KCNT2: variants seen among roughly 807,000 people sequenced by gnomAD.
KCNT2 encodes the protein potassium sodium-activated channel subfamily T member 2.
In KCNT2, 67 loss-of-function variants were observed where a neutral mutation model predicts 153.8. The ratio of observed to expected loss-of-function variants is 0.44; its 90% CI spans 0.36 to 0.53. The LOEUF (loss-of-function observed/expected upper bound fraction) is 0.53, where lower values mean the gene tolerates loss of function less well. Among genes scored for constraint, KCNT2 ranks in the 20% least tolerant of loss-of-function variants. The probability of loss-of-function intolerance (pLI) is 0.00; values close to 1 mark genes in which losing one functional copy is unlikely to be tolerated. For synonymous variants in KCNT2, 500 were observed against 458.8 expected (o/e 1.09, Z -1.15); for missense variants, 975 against 1,354.8 (o/e 0.72, Z 4.40).
At chr1:196,237,762 G>T (rs191009403) in intron 26 of KCNT2, among the ~76,000 whole-genome samples, 2 of 151,756 alleles carry the variant, frequency 1.3e-5, no homozygotes, top group East Asian at 1.9e-4. Context: ...TGCTAAACCT[G>T]GTGGTCATAT....
chr1:196,300,660 C>G (rs1358437300), intron 22 of KCNT2, among the ~76,000 whole-genome samples: 1 of 152,146 alleles, frequency 6.6e-6, no homozygotes, highest in South Asian at 2.1e-4. Context: ...TTCTGTACAG[C>G]TGTCCATGCC....
At chr1:196,525,621 G>A (rs1434800820) in intron 1 of KCNT2, among the ~76,000 whole-genome samples, 2 of 152,180 alleles carry the variant, frequency 1.3e-5, no homozygotes, top group Non-Finnish European at 2.9e-5. Flanking sequence ...TGAGGCTATA[G>A]AAAAGATGGG....
intron 12 of KCNT2, among the ~76,000 whole-genome samples, chr1:196,416,674 A>G (rs1239767649): frequency 6.6e-6 from 1 of 152,118 alleles, no homozygotes; most frequent in Non-Finnish European, 1.5e-5. Context: ...ATTCATAAGT[A>G]AAAGTAAGAC....
At chr1:196,414,876 T>C (rs1029903533) in intron 12 of KCNT2, among the ~76,000 whole-genome samples, 16 of 151,866 alleles carry the variant, frequency 1.1e-4, no homozygotes, top group Non-Finnish European at 1.5e-5. Context: ...ATTCCAGGTC[T>C]TCTGGCCCTC....
intron 1 of KCNT2, among the ~76,000 whole-genome samples, chr1:196,544,098 T>A (rs889911132): frequency 6.6e-6 from 1 of 152,048 alleles, no homozygotes; most frequent in Non-Finnish European, 1.5e-5. Flanking sequence ...CTGAAGTAAC[T>A]CTCCAAAGCA....
At chr1:196,548,684 T>G (rs1657458563) in intron 1 of KCNT2, among the ~76,000 whole-genome samples, 1 of 152,086 alleles carries the variant, frequency 6.6e-6, no homozygotes, top group Admixed American at 6.6e-5. Context: ...TAAATCATGC[T>G]GCTATAAAGA....
intron 1 of KCNT2, among the ~76,000 whole-genome samples, chr1:196,597,368 G>T (rs1332305353): frequency 1.3e-5 from 2 of 150,232 alleles, no homozygotes; most frequent in African/African-American, 4.9e-5. Context: ...GTAACCTCAC[G>T]TACTTTTTTT....
chr1:196,503,445 C>G (rs1281981003), intron 1 of KCNT2, among the ~76,000 whole-genome samples: 4 of 152,162 alleles, frequency 2.6e-5, no homozygotes, highest in Non-Finnish European at 4.4e-5. Context: ...AATCAAAACT[C>G]TTCATAACTA....
intron 1 of KCNT2, among the ~76,000 whole-genome samples, chr1:196,511,109 C>T (rs1681579899): frequency 1.0e-5 from 1 of 99,972 alleles, no homozygotes. Context: ...CATACGTAAA[C>T]ACACACAACA....
At chr1:196,567,056 A>G (rs1392985090) in intron 1 of KCNT2, among the ~76,000 whole-genome samples, 1 of 152,150 alleles carries the variant, frequency 6.6e-6, no homozygotes, top group Non-Finnish European at 1.5e-5. Flanking sequence ...CATCAGTTGA[A>G]AGTTATTATC....
chr1:196,316,441 A>G (rs1662730681), intron 20 of KCNT2, among the ~76,000 whole-genome samples: 1 of 151,760 alleles, frequency 6.6e-6, no homozygotes, highest in Admixed American at 6.6e-5. Context: ...AGGAATAAAT[A>G]AGTGCTATGT....
At chr1:196,387,623 T>C (rs1014979322) in intron 13 of KCNT2, among the ~76,000 whole-genome samples, 1 of 151,940 alleles carries the variant, frequency 6.6e-6, no homozygotes, top group African/African-American at 2.4e-5. Context: ...TCTGTGTGTG[T>C]AATGGTATTG....
intron 16 of KCNT2, among the ~76,000 whole-genome samples, chr1:196,339,515 A>G (rs952298219): frequency 9.7e-6 from 1 of 102,620 alleles, no homozygotes; most frequent in Non-Finnish European, 2.2e-5. Flanking sequence ...AGACACACAC[A>G]CACACAGAGA....
intron 26 of KCNT2, among the ~76,000 whole-genome samples, chr1:196,255,103 G>C (rs919515038): frequency 6.6e-6 from 1 of 151,342 alleles, no homozygotes; most frequent in Non-Finnish European, 1.5e-5. Flanking sequence ...TCCATCAATA[G>C]ATAACAAAGA....
At chr1:196,580,098 C>T (rs986468696) in intron 1 of KCNT2, among the ~76,000 whole-genome samples, 1 of 152,128 alleles carries the variant, frequency 6.6e-6, no homozygotes, top group African/African-American at 2.4e-5. Context: ...AGGGAAGCTT[C>T]TGGAAAATGT....
intron 12 of KCNT2, among the ~76,000 whole-genome samples, chr1:196,412,107 C>T (rs2148486990): frequency 6.6e-6 from 1 of 151,790 alleles, no homozygotes; most frequent in East Asian, 1.9e-4. Context: ...TAATGATTAT[C>T]TTAGGTTAAT....
chr1:196,270,296 A>ATGAAT lies in KCNT2; in HGVS notation c.2910+10563_2910+10564insATTCA, dbSNP rs1657948066. Among the ~76,000 whole-genome samples the ATGAAT allele has an allele frequency of 7.2e-5, 11 of 152,122 alleles. No individual in the cohort carries two copies. The South Asian group carries it at 2.3e-3, about 32-fold the overall frequency. ...CCAAATCAAGACTGATTTCATTATA[A>ATGAAT]TTAATTTTTCATTTGTTAGAAAATT... On this transcript the variant is annotated intron_variant, in intron 25 of 27. Transcript: ENST00000294725.
chr1:196,392,394 T>C (rs909210460), intron 13 of KCNT2, among the ~76,000 whole-genome samples: 1 of 151,310 alleles, frequency 6.6e-6, no homozygotes, highest in Non-Finnish European at 1.5e-5. Context: ...ATGAGAATTT[T>C]CAAAGGCTTA....
chr1:196,301,606 T>C (rs1229608105), intron 22 of KCNT2, among the ~76,000 whole-genome samples: 1 of 152,142 alleles, frequency 6.6e-6, no homozygotes, highest in East Asian at 1.9e-4. Flanking sequence ...AGTAAAGTAA[T>C]TGGGAATAAT....
Sources: allele counts gnomAD v4.1 joint callset (sites outside exome capture counted in the v4.1 genomes callset), GRCh38; gene constraint gnomAD v4.1.1; transcripts MANE v1.5; gene names NCBI Gene and HGNC (gene_info 2026-07-23, HGNC 2026-07-21).